The following TPRG1 variants were observed in gnomAD, a reference collection of about 807,000 sequenced individuals.
TPRG1 encodes the protein tumor protein p63-regulated gene 1 protein.
TPRG1 carries 29 observed loss-of-function variants against 29.3 expected under a neutral mutation model. The ratio of observed to expected loss-of-function variants is 0.99; its 90% confidence interval spans 0.74 to 1.35. TPRG1 has a LOEUF of 1.35. Among genes scored for constraint, TPRG1 ranks in the 40% most tolerant of loss-of-function variants. The pLI is 0.00. For missense variants in TPRG1, 327 were observed against 335.0 expected, an observed-to-expected ratio of 0.98 and a Z score of 0.19; for synonymous variants, 130 against 116.8, an observed-to-expected ratio of 1.11 and a Z score of -0.73.
At chr3:189,239,237 G>A (rs1740099661) in intron 4 of TPRG1, among the ~76,000 whole-genome samples, 1 of 152,060 alleles carries the variant, frequency 6.6e-6, no homozygotes, top group Non-Finnish European at 1.5e-5. Flanking sequence ...TTCTTATATG[G>A]CCGCAGCAAG....
intron 5 of TPRG1, among the ~76,000 whole-genome samples, chr3:189,316,794 A>G (rs951359292): frequency 6.6e-6 from 1 of 152,180 alleles, no homozygotes; most frequent in Non-Finnish European, 1.5e-5. Flanking sequence ...GGGTGCATAA[A>G]AGCTTTTAGG....
At chr3:189,152,384 A>G (rs932934342) in intron 5 of TPRG1, among the ~76,000 whole-genome samples, 1 of 152,190 alleles carries the variant, frequency 6.6e-6, no homozygotes, top group African/African-American at 2.4e-5. Context: ...CTATACAGAC[A>G]TGGTCATCTC....
chr3:189,093,006 T>TCTTCA (rs10633576), intron 4 of TPRG1, among the ~76,000 whole-genome samples: 15,796 of 152,010 alleles, frequency 0.1, 1,129 homozygotes, highest in African/African-American at 0.21. Flanking sequence ...TTCTCCTTCT[T>TCTTCA]CTTCTGTGAT....
intron 4 of TPRG1, among the ~76,000 whole-genome samples, chr3:189,035,699 T>G (rs1714222343): frequency 6.6e-6 from 1 of 151,612 alleles, no homozygotes; most frequent in Non-Finnish European, 1.5e-5. Flanking sequence ...TTCATTAGAG[T>G]GAATCAAAAA....
At chr3:189,210,819 T>G (rs1315612845) in intron 2 of TPRG1, among the ~76,000 whole-genome samples, 1 of 152,068 alleles carries the variant, frequency 6.6e-6, no homozygotes. Context: ...GTTTTCCAAT[T>G]TATAATTAGA....
chr3:189,002,926 T>C (rs1278342330), intron 2 of TPRG1, among the ~76,000 whole-genome samples: 4 of 152,136 alleles, frequency 2.6e-5, no homozygotes, highest in African/African-American at 9.7e-5. Flanking sequence ...GAGGTTTGAA[T>C]GATTTAATAC....
intron 2 of TPRG1, among the ~76,000 whole-genome samples, chr3:189,132,200 A>G (rs546267989): frequency 1.3e-5 from 2 of 152,256 alleles, no homozygotes; most frequent in East Asian, 3.9e-4. Context: ...ATTTTTGCAG[A>G]CATCTTGATG....
chr3:189,236,693 T>C (rs1251559664), intron 3 of TPRG1, among the ~76,000 whole-genome samples: 2 of 152,230 alleles, frequency 1.3e-5, no homozygotes, highest in Non-Finnish European at 2.9e-5. Context: ...GAACTAATAC[T>C]TATGAATATA....
intron 1 of TPRG1, chr3:189,000,649 G>C (rs1711976402): frequency 6.6e-6 from 1 of 151,886 alleles, no homozygotes. Context: ...GTTTCATTTG[G>C]CCATCTCTGT....
At chr3:189,099,413 G>A (rs1159705404), upstream of TPRG1, among the ~76,000 whole-genome samples, 2 of 151,814 alleles carry the variant, frequency 1.3e-5, no homozygotes, top group Non-Finnish European at 2.9e-5. Context: ...GTGGGAAGGG[G>A]GGCAGGCAGG....
intron 4 of TPRG1, among the ~76,000 whole-genome samples, chr3:189,281,379 T>C (rs1336525136): frequency 6.6e-6 from 1 of 152,242 alleles, no homozygotes; most frequent in East Asian, 1.9e-4. Flanking sequence ...TTGTTGGGTC[T>C]GTATGTGAAA....
At chr3:189,010,657 CT>C (rs1357400102) in intron 3 of TPRG1, among the ~76,000 whole-genome samples, 5 of 152,036 alleles carry the variant, frequency 3.3e-5, no homozygotes, top group African/African-American at 1.2e-4. Flanking sequence ...TGTTTAAGTA[CT>C]TTGTAGAGTC....
intron 3 of TPRG1, among the ~76,000 whole-genome samples, chr3:189,014,878 T>C (rs1329886754): frequency 6.6e-6 from 1 of 152,156 alleles, no homozygotes; most frequent in Non-Finnish European, 1.5e-5. Context: ...TAGTACTTTA[T>C]AGCAGTGAGA....
At chr3:189,193,286 A>G (rs1732003275) in intron 1 of TPRG1, among the ~76,000 whole-genome samples, 1 of 151,838 alleles carries the variant, frequency 6.6e-6, no homozygotes, top group Non-Finnish European at 1.5e-5. Flanking sequence ...TATGTGCATG[A>G]TACCATGTCC....
intron 4 of TPRG1, among the ~76,000 whole-genome samples, chr3:189,266,877 C>T (rs1044286064): frequency 2.0e-5 from 3 of 149,594 alleles, no homozygotes; most frequent in African/African-American, 7.7e-5. Context: ...TATGCATTTT[C>T]CTTGTGTTTT....
At chr3:189,078,059 C>CTCT (rs1560430606) in intron 4 of TPRG1, among the ~76,000 whole-genome samples, 42 of 141,576 alleles carry the variant, frequency 3.0e-4, no homozygotes, top group African/African-American at 1.0e-3. Context: ...TTCCTTCCTT[C>CTCT]CTTTCTCTCC....
chr3:189,123,139 C>T (rs547429912), intron 1 of TPRG1, among the ~76,000 whole-genome samples: 1 of 152,298 alleles, frequency 6.6e-6, no homozygotes, highest in South Asian at 2.1e-4. Flanking sequence ...TTGATTAATT[C>T]TCCTTTACTG....
At chr3:189,241,982 G>C (rs1339436098) in intron 4 of TPRG1, among the ~76,000 whole-genome samples, 1 of 151,902 alleles carries the variant, frequency 6.6e-6, no homozygotes, top group Non-Finnish European at 1.5e-5. Context: ...TTCTTTCAAG[G>C]CTTCTAAATT....
chr3:189,035,100 T>G (rs1714176253), intron 4 of TPRG1, among the ~76,000 whole-genome samples: 1 of 152,012 alleles, frequency 6.6e-6, no homozygotes, highest in Admixed American at 6.5e-5. Context: ...CATAGACCAA[T>G]GGAACAGGGT....
Sources: allele counts gnomAD v4.1 joint callset (sites outside exome capture counted in the v4.1 genomes callset), GRCh38; gene constraint gnomAD v4.1.1; transcripts MANE v1.5; gene names NCBI Gene and HGNC (gene_info 2026-07-23, HGNC 2026-07-21).